RAB3C: variants seen among roughly 807,000 people sequenced by gnomAD.
The protein encoded by RAB3C is RAB3C, member RAS oncogene family.
A neutral mutation model predicts 26.4 loss-of-function variants in RAB3C; 17 were observed. That is an observed-to-expected ratio of 0.64 (90% CI 0.44 to 0.97). The LOEUF (loss-of-function observed/expected upper bound fraction) is 0.97, where lower values mean the gene tolerates loss of function less well. Among genes scored for constraint, RAB3C ranks in the 50% least tolerant of loss-of-function variants. RAB3C has a pLI of 0.00. For missense variants in RAB3C, 242 were observed against 281.9 expected, an observed-to-expected ratio of 0.86 and a Z score of 1.01; for synonymous variants, 91 against 95.9, an observed-to-expected ratio of 0.95 and a Z score of 0.30.
intron 3 of RAB3C, among the ~76,000 whole-genome samples, chr5:58,809,092 C>A (rs1293467914): frequency 2.5e-4 from 38 of 152,196 alleles, no homozygotes; most frequent in Non-Finnish European, 5.9e-5. Context: ...AAGGATGTGA[C>A]ATACCCAGAG....
chr5:58,716,055 TAATA>T (rs886774758), intron 2 of RAB3C, among the ~76,000 whole-genome samples: 3 of 109,086 alleles, frequency 2.8e-5, no homozygotes, highest in South Asian at 2.5e-4. Context: ...GGAAAAAAAA[TAATA>T]AATAAATAAA....
At chr5:58,693,646 G>A (rs867684837) in intron 2 of RAB3C, among the ~76,000 whole-genome samples, 1 of 152,048 alleles carries the variant, frequency 6.6e-6, no homozygotes, top group Non-Finnish European at 1.5e-5. Context: ...ACCATAGATG[G>A]TCCAACATAA....
At chr5:58,837,555 C>CTTT (rs1244170261) in intron 4 of RAB3C, among the ~76,000 whole-genome samples, 3 of 113,450 alleles carry the variant, frequency 2.6e-5, no homozygotes, top group African/African-American at 6.9e-5. Context: ...GTTTCAGTCT[C>CTTT]TCTTTTTTTT....
At chr5:58,778,247 C>G (rs1222535561) in intron 3 of RAB3C, among the ~76,000 whole-genome samples, 1 of 152,122 alleles carries the variant, frequency 6.6e-6, no homozygotes, top group South Asian at 2.1e-4. Flanking sequence ...AGATTTTTCT[C>G]TGAAGATTAT....
intron 3 of RAB3C, among the ~76,000 whole-genome samples, chr5:58,793,581 C>CTTT (rs55954473): frequency 0.14 from 19,935 of 138,186 alleles, 1,568 homozygotes; most frequent in Non-Finnish European, 0.18. Context: ...CATTTTGCCA[C>CTTT]TTTTTTTTTT....
At chr5:58,824,731 T>C (rs1429660685) in intron 3 of RAB3C, among the ~76,000 whole-genome samples, 1 of 152,210 alleles carries the variant, frequency 6.6e-6, no homozygotes, top group Admixed American at 6.5e-5. Flanking sequence ...GCTATCCTAC[T>C]GTAAAGCTAT....
intron 3 of RAB3C, among the ~76,000 whole-genome samples, chr5:58,774,273 G>T (rs572119456): frequency 6.6e-6 from 1 of 152,254 alleles, no homozygotes; most frequent in South Asian, 2.1e-4. Flanking sequence ...CTGGGAGGGA[G>T]GGAGAATTCT....
intron 3 of RAB3C, among the ~76,000 whole-genome samples, chr5:58,809,071 C>G (rs10461653): frequency 0.053 from 8,016 of 152,242 alleles, 287 homozygotes; most frequent in East Asian, 0.11. Flanking sequence ...GGCAAAAGCC[C>G]AGCAAAATTC....
intron 1 of RAB3C, among the ~76,000 whole-genome samples, chr5:58,596,857 ATAT>A (rs1253975388): frequency 1.2e-4 from 10 of 86,012 alleles, no homozygotes; most frequent in African/African-American, 2.8e-4. Context: ...AATACATAAT[ATAT>A]AATATTATAT....
chr5:58,716,966 G>T (rs964675528), intron 2 of RAB3C, among the ~76,000 whole-genome samples: 1 of 152,024 alleles, frequency 6.6e-6, no homozygotes, highest in Non-Finnish European at 1.5e-5. Context: ...ATGGACTTTG[G>T]GTGATAATGA....
intron 1 of RAB3C, among the ~76,000 whole-genome samples, chr5:58,596,509 T>C (rs1247767947): frequency 7.3e-6 from 1 of 136,296 alleles, no homozygotes; most frequent in Non-Finnish European, 1.5e-5. Flanking sequence ...AAATATATAA[T>C]ACTATATAAT....
intron 4 of RAB3C, among the ~76,000 whole-genome samples, chr5:58,847,771 C>T (rs1744035658): frequency 6.6e-6 from 1 of 152,126 alleles, no homozygotes. Flanking sequence ...TGATTTTGAT[C>T]CTGAATATCT....
At chr5:58,688,525 T>A (rs1748493893) in intron 2 of RAB3C, among the ~76,000 whole-genome samples, 2 of 152,136 alleles carry the variant, frequency 1.3e-5, no homozygotes, top group South Asian at 4.1e-4. Context: ...TGCCACTAAA[T>A]TATGAAGCCT....
chr5:58,695,063 G>C (rs939965405), intron 2 of RAB3C, among the ~76,000 whole-genome samples: 1 of 152,080 alleles, frequency 6.6e-6, no homozygotes, highest in Admixed American at 6.6e-5. Flanking sequence ...TATGGTTTTA[G>C]GTCTAACATT....
At chr5:58,821,677 T>C (rs532826311) in intron 3 of RAB3C, among the ~76,000 whole-genome samples, 1 of 152,336 alleles carries the variant, frequency 6.6e-6, no homozygotes, top group East Asian at 1.9e-4. Context: ...GACTCTGAGA[T>C]GTCCAGGTGG....
intron 3 of RAB3C, among the ~76,000 whole-genome samples, chr5:58,755,174 G>A (rs1269450109): frequency 6.6e-6 from 1 of 152,224 alleles, no homozygotes; most frequent in African/African-American, 2.4e-5. Flanking sequence ...CATGTGGAAT[G>A]TGGATAATTT....
intron 3 of RAB3C, among the ~76,000 whole-genome samples, chr5:58,823,995 A>T (rs3931731): frequency 6.7e-6 from 1 of 149,872 alleles, no homozygotes; most frequent in South Asian, 2.1e-4. Flanking sequence ...TTGTCCTTGC[A>T]ATAGTTTACT....
chr5:58,650,102 T>A (rs1747612027), intron 2 of RAB3C, among the ~76,000 whole-genome samples: 1 of 152,222 alleles, frequency 6.6e-6, no homozygotes, highest in African/African-American at 2.4e-5. Context: ...AGAAATTGCA[T>A]AATATTGCTC....
Position 58,854,426 on chromosome 5 carries a change from T to C in RAB3C, c.*3075T>C, listed in dbSNP as rs1197710683. 1 of 152,230 alleles carries C rather than the reference T, an allele frequency of 6.6e-6. No homozygotes were observed. The highest frequency in any genetic ancestry group is 1.5e-5 in the Non-Finnish European group (1 of 68,042). The allele number at this position is 152,230 out of a possible 1,614,324, so 9.4% of individuals were successfully genotyped here. ...TAGACTGAAAATTATTTGACTTAAA[T>C]AGCCATCCTCAGAGTGAATCAGCAT... On this transcript the variant is annotated 3_prime_UTR_variant, in exon 5 of 5. Transcript: ENST00000282878.
Sources: allele counts gnomAD v4.1 joint callset (sites outside exome capture counted in the v4.1 genomes callset), GRCh38; gene constraint gnomAD v4.1.1; transcripts MANE v1.5; gene names NCBI Gene and HGNC (gene_info 2026-07-23, HGNC 2026-07-21).